NME7: variants seen among roughly 807,000 people sequenced by gnomAD.
NME7 encodes the protein NME/NM23 family member 7.
In NME7, 41 loss-of-function variants were observed where a neutral mutation model predicts 49.1. That is an observed-to-expected ratio of 0.83 (90% CI 0.65 to 1.08). The LOEUF is 1.08. Ranked by LOEUF, NME7 falls within the 50% of genes least tolerant of loss-of-function variation. NME7 has a pLI of 0.00. For synonymous variants in NME7, 139 were observed against 150.6 expected, an observed-to-expected ratio of 0.92 and a Z score of 0.56; for missense variants, 423 against 463.4, an observed-to-expected ratio of 0.91 and a Z score of 0.80.
At chr1:169,135,225 C>T (rs1658396645) in intron 11 of NME7, among the ~76,000 whole-genome samples, 1 of 151,932 alleles carries the variant, frequency 6.6e-6, no homozygotes, top group East Asian at 1.9e-4. Flanking sequence ...CAGAACCTAT[C>T]TACTTTAGAA....
intron 7 of NME7, among the ~76,000 whole-genome samples, chr1:169,254,606 C>G (rs1300880898): frequency 6.7e-6 from 1 of 149,546 alleles, no homozygotes; most frequent in East Asian, 2.2e-4. Flanking sequence ...CTTCTGCTAG[C>G]TTTTGAATGT....
chr1:169,231,651 A>C (rs957929013), intron 9 of NME7, among the ~76,000 whole-genome samples: 3 of 152,222 alleles, frequency 2.0e-5, no homozygotes, highest in African/African-American at 7.2e-5. Flanking sequence ...CAAACAACTC[A>C]GAGACAGCAC....
At chr1:169,235,532 C>G (rs1647822771) in intron 8 of NME7, among the ~76,000 whole-genome samples, 1 of 152,052 alleles carries the variant, frequency 6.6e-6, no homozygotes, top group Non-Finnish European at 1.5e-5. Context: ...CATCCTATCT[C>G]AAGCAGTCTG....
intron 6 of NME7, among the ~76,000 whole-genome samples, chr1:169,292,014 A>C (rs1353116866): frequency 3.3e-5 from 5 of 152,140 alleles, no homozygotes; most frequent in Non-Finnish European, 7.4e-5. Context: ...TGAATAGAAC[A>C]CAACAAATCG....
Position 169,230,825 on chromosome 1 carries a change from A to T in NME7, c.889-6T>A. On this transcript the variant is annotated splice_polypyrimidine_tract_variant and splice_region_variant and intron_variant, in intron 9 of 11. Coordinates refer to ENST00000367811, the MANE Select transcript of NME7 (RefSeq NM_013330.5). Reference sequence around the variant, plus strand: ...TACATTTCTGTCACCATGTCCTATGATATGTAATATAAAAGAATGAAAAGA... The same window carrying T: ...TACATTTCTGTCACCATGTCCTATGTTATGTAATATAAAAGAATGAAAAGA... The T allele has an allele frequency of 2.0e-6, 3 of 1,536,032 alleles. No homozygotes were observed. The highest frequency in any genetic ancestry group is 2.6e-6 in the Non-Finnish European group (3 of 1,132,600).
chr1:169,354,430 G>C (rs149728631), intron 1 of NME7, among the ~76,000 whole-genome samples: 4 of 151,960 alleles, frequency 2.6e-5, no homozygotes, highest in Admixed American at 1.3e-4. Context: ...AAAAAAAATT[G>C]AAAGAGTGAG....
intron 9 of NME7, among the ~76,000 whole-genome samples, chr1:169,233,430 G>GTGATC (rs1178805940): frequency 1.1e-4 from 16 of 152,112 alleles, no homozygotes; most frequent in Non-Finnish European, 1.2e-4. Context: ...TAGAGGCTAG[G>GTGATC]AGCTGAGTGA....
intron 9 of NME7, among the ~76,000 whole-genome samples, chr1:169,231,803 T>C (rs1647632357): frequency 6.6e-6 from 1 of 152,152 alleles, no homozygotes; most frequent in African/African-American, 2.4e-5. Flanking sequence ...AGATGCTCTA[T>C]ACCCATCCTA....
chr1:169,316,156 C>T (rs142870828), intron 3 of NME7, among the ~76,000 whole-genome samples: 5 of 151,916 alleles, frequency 3.3e-5, no homozygotes, highest in Non-Finnish European at 7.4e-5. Flanking sequence ...TTAGGTAAAT[C>T]TAAGCAAATG....
intron 1 of NME7, among the ~76,000 whole-genome samples, chr1:169,331,035 C>T (rs1419327676): frequency 6.6e-6 from 1 of 152,128 alleles, no homozygotes; most frequent in African/African-American, 2.4e-5. Context: ...AGGTCAATAT[C>T]TCTGATAAAT....
intron 11 of NME7, among the ~76,000 whole-genome samples, chr1:169,155,557 C>T (rs778009251): frequency 3.2e-4 from 48 of 152,168 alleles, no homozygotes; most frequent in Non-Finnish European, 3.7e-4. Flanking sequence ...CATGCAATAG[C>T]AATAAAGTGA....
intron 10 of NME7, among the ~76,000 whole-genome samples, chr1:169,201,217 C>T (rs1018053464): frequency 6.6e-6 from 1 of 151,830 alleles, no homozygotes; most frequent in African/African-American, 2.4e-5. Flanking sequence ...GGTGACAGAG[C>T]GAGACTGTCT....
chr1:169,238,449 T>G (rs142872712), intron 7 of NME7, among the ~76,000 whole-genome samples: 3 of 148,014 alleles, frequency 2.0e-5, no homozygotes, highest in Non-Finnish European at 4.5e-5. Context: ...CAACTAAAAC[T>G]CTGTCTCTTA....
At position 169,275,610 on chromosome 1, in the gene NME7, A is replaced by G. The variant is rs559610813; in HGVS notation, c.754+11693T>C. ...GCTGAGATAATGGGGATTTCTAGAT[A>G]TACAATCATGTCACCTGCAAACAGG... is the stretch of plus-strand genomic sequence containing the variant. On this transcript the variant is annotated intron_variant, in intron 7 of 11. Coordinates refer to ENST00000367811, the MANE Select transcript of NME7 (RefSeq NM_013330.5). 6.8e-5 allele frequency among the ~76,000 whole-genome samples: 9 copies of G among 131,994 alleles called. 3 individuals carry two copies. The South Asian group carries it at 2.1e-3, about 31-fold the overall frequency. 86.6% of individuals were successfully genotyped at this position (131,994 alleles called of 152,430 possible).
chr1:169,341,555 A>G (rs1652700205), intron 1 of NME7, among the ~76,000 whole-genome samples: 1 of 152,072 alleles, frequency 6.6e-6, no homozygotes, highest in African/African-American at 2.4e-5. Flanking sequence ...TGTCCTCCAG[A>G]CCCCAGAATG....
At chr1:169,274,983 G>T (rs1388386942) in intron 7 of NME7, among the ~76,000 whole-genome samples, 2 of 132,806 alleles carry the variant, frequency 1.5e-5, no homozygotes, top group East Asian at 4.1e-4. Flanking sequence ...ATTTAAAGTA[G>T]TTTTTTCCAA....
At chr1:169,321,219 G>T (rs1246347240) in intron 3 of NME7, among the ~76,000 whole-genome samples, 1 of 152,132 alleles carries the variant, frequency 6.6e-6, no homozygotes, top group Non-Finnish European at 1.5e-5. Flanking sequence ...AATTAGCCAG[G>T]AATAGTGGTG....
intron 10 of NME7, among the ~76,000 whole-genome samples, chr1:169,208,368 T>G (rs1012093962): frequency 6.6e-6 from 1 of 152,136 alleles, no homozygotes; most frequent in Non-Finnish European, 1.5e-5. Context: ...TAGTGGTTGG[T>G]GGGTTGGCTG....
At position 169,171,141 on chromosome 1, in the gene NME7, A is replaced by G. The variant is rs547569765; in HGVS notation, c.991-1587T>C. 5.3e-5 allele frequency among the ~76,000 whole-genome samples: 8 copies of G among 152,250 alleles called. No homozygotes were observed. The South Asian group carries it at 1.5e-3, about 28-fold the overall frequency. ...TTGTTTGATGGCCAGGCTCATACCT[A>G]TAATCGGCACTTTGGGAGGAGTTTG... On this transcript the variant is annotated intron_variant, in intron 10 of 11. Coordinates refer to ENST00000367811, the MANE Select transcript of NME7 (RefSeq NM_013330.5).
Sources: gnomAD v4.1 joint callset for allele counts (sites outside exome capture counted in the v4.1 genomes callset) on GRCh38, gnomAD v4.1.1 for gene constraint, MANE v1.5 for transcripts, NCBI Gene and HGNC (gene_info 2026-07-23, HGNC 2026-07-21) for gene names.